The following RAB3C variants were observed in gnomAD, a reference collection of about 807,000 sequenced individuals.
The protein encoded by RAB3C is ras-related protein Rab-3C.
Under a neutral mutation model 26.4 loss-of-function variants are expected in RAB3C, and 17 were observed. That is an observed-to-expected ratio of 0.64 (90% CI 0.44 to 0.97). The LOEUF (loss-of-function observed/expected upper bound fraction) is 0.97, where lower values mean the gene tolerates loss of function less well. Ranked by LOEUF, RAB3C falls within the 50% of genes least tolerant of loss-of-function variation. The pLI, the probability that RAB3C is intolerant of heterozygous loss-of-function variation, is 0.00. For missense variants in RAB3C, 242 were observed against 281.9 expected (o/e 0.86, Z 1.01); for synonymous variants, 91 against 95.9 (o/e 0.95, Z 0.30).
intron 4 of RAB3C, among the ~76,000 whole-genome samples, chr5:58,845,169 T>A (rs1743961162): frequency 6.6e-6 from 1 of 152,166 alleles, no homozygotes; most frequent in Admixed American, 6.5e-5. Flanking sequence ...GCCACCTCAG[T>A]GAGCAGCACA....
intron 2 of RAB3C, among the ~76,000 whole-genome samples, chr5:58,634,364 G>A (rs945721679): frequency 6.6e-6 from 1 of 152,142 alleles, no homozygotes; most frequent in African/African-American, 2.4e-5. Flanking sequence ...TAGGAGCACA[G>A]GCCCTGATGT....
intron 3 of RAB3C, among the ~76,000 whole-genome samples, chr5:58,775,091 T>C (rs988094144): frequency 6.6e-6 from 1 of 152,066 alleles, no homozygotes; most frequent in Non-Finnish European, 1.5e-5. Flanking sequence ...GAACCCTGGT[T>C]AGGAAGTGAT....
At chr5:58,816,345 G>T (rs1170168141) in intron 3 of RAB3C, among the ~76,000 whole-genome samples, 1 of 152,168 alleles carries the variant, frequency 6.6e-6, no homozygotes, top group Non-Finnish European at 1.5e-5. Flanking sequence ...AAAATTCTGA[G>T]AATCAGTATG....
At chr5:58,787,925 A>C (rs1742428412) in intron 3 of RAB3C, among the ~76,000 whole-genome samples, 1 of 152,216 alleles carries the variant, frequency 6.6e-6, no homozygotes, top group Admixed American at 6.5e-5. Flanking sequence ...ATTCCAAACT[A>C]AACAGACATC....
intron 3 of RAB3C, 63 bp from the exon 4 acceptor site, chr5:58,824,975 C>A: frequency 9.1e-7 from 1 of 1,097,922 alleles, no homozygotes; most frequent in Non-Finnish European, 1.3e-6. Context: ...TGTATTTCTT[C>A]TCCTTCATTT....
intron 1 of RAB3C, among the ~76,000 whole-genome samples, chr5:58,599,835 CA>C (rs1379178047): frequency 6.6e-6 from 1 of 152,072 alleles, no homozygotes; most frequent in Non-Finnish European, 1.5e-5. Flanking sequence ...TTTTGATGTG[CA>C]AAAGCTCTTT....
At chr5:58,685,854 A>G (rs1011867547) in intron 2 of RAB3C, among the ~76,000 whole-genome samples, 1 of 152,194 alleles carries the variant, frequency 6.6e-6, no homozygotes, top group Non-Finnish European at 1.5e-5. Flanking sequence ...AAAAACGTAG[A>G]TATAGAAAGT....
intron 3 of RAB3C, among the ~76,000 whole-genome samples, chr5:58,771,565 C>T (rs1346043231): frequency 6.6e-6 from 1 of 152,036 alleles, no homozygotes; most frequent in East Asian, 1.9e-4. Flanking sequence ...AGCAATTAGA[C>T]ATTTAAAGTT....
chr5:58,690,415 A>G (rs999378597), intron 2 of RAB3C, among the ~76,000 whole-genome samples: 1 of 152,150 alleles, frequency 6.6e-6, no homozygotes, highest in Non-Finnish European at 1.5e-5. Context: ...ATCTCTCTCC[A>G]CATGATGTCT....
At chr5:58,831,864 A>G (rs1200706672) in intron 4 of RAB3C, among the ~76,000 whole-genome samples, 1 of 152,226 alleles carries the variant, frequency 6.6e-6, no homozygotes, top group Non-Finnish European at 1.5e-5. Flanking sequence ...GATCTTGGCT[A>G]CACATTTCAG....
intron 3 of RAB3C, among the ~76,000 whole-genome samples, chr5:58,755,171 A>T (rs987606871): frequency 6.6e-6 from 1 of 152,210 alleles, no homozygotes; most frequent in African/African-American, 2.4e-5. Context: ...GCACATGTGG[A>T]ATGTGGATAA....
chr5:58,638,589 G>A (rs899733725), intron 2 of RAB3C, among the ~76,000 whole-genome samples: 2 of 152,108 alleles, frequency 1.3e-5, no homozygotes, highest in African/African-American at 4.8e-5. Context: ...AACTCACATA[G>A]ATATATGTTA....
intron 2 of RAB3C, among the ~76,000 whole-genome samples, chr5:58,702,940 G>A (rs1748877470): frequency 1.3e-5 from 2 of 152,202 alleles, no homozygotes; most frequent in South Asian, 4.1e-4. Context: ...ACGTTAACCT[G>A]GATAGTGAGT....
At chr5:58,824,420 C>G (rs1243023524) in intron 3 of RAB3C, among the ~76,000 whole-genome samples, 1 of 152,168 alleles carries the variant, frequency 6.6e-6, no homozygotes, top group Non-Finnish European at 1.5e-5. Flanking sequence ...AAAATGCCAG[C>G]TCATTGTATT....
intron 3 of RAB3C, among the ~76,000 whole-genome samples, chr5:58,745,558 G>A (rs576401637): frequency 2.9e-4 from 44 of 152,036 alleles, no homozygotes; most frequent in Non-Finnish European, 4.4e-4. Context: ...CCTTACTGCC[G>A]GTCTCTATAG....
At chr5:58,650,450 G>A (rs1306106960) in intron 2 of RAB3C, among the ~76,000 whole-genome samples, 4 of 152,148 alleles carry the variant, frequency 2.6e-5, no homozygotes, top group African/African-American at 9.7e-5. Flanking sequence ...TAAAATTCTG[G>A]TTTTTGAATG....
chr5:58,694,466 G>T (rs1004895963), intron 2 of RAB3C, among the ~76,000 whole-genome samples: 1 of 152,156 alleles, frequency 6.6e-6, no homozygotes, highest in Non-Finnish European at 1.5e-5. Flanking sequence ...GGATTGCTGG[G>T]TCAAATGGTA....
chr5:58,604,899 G>A (rs919315397), intron 1 of RAB3C, among the ~76,000 whole-genome samples: 2 of 152,150 alleles, frequency 1.3e-5, no homozygotes, highest in Non-Finnish European at 2.9e-5. Context: ...AGTTTTAACC[G>A]CTGCTCCTCT....
chr5:58,793,015 T>C (rs1742563670), intron 3 of RAB3C, among the ~76,000 whole-genome samples: 1 of 152,164 alleles, frequency 6.6e-6, no homozygotes, highest in African/African-American at 2.4e-5. Context: ...ATTATTGTTC[T>C]AAAATTCTGT....
Sources: gnomAD v4.1 joint callset for allele counts (sites outside exome capture counted in the v4.1 genomes callset) on GRCh38, gnomAD v4.1.1 for gene constraint, MANE v1.5 for transcripts, NCBI Gene and HGNC (gene_info 2026-07-23, HGNC 2026-07-21) for gene names.